The following CC2D2A variants were observed in gnomAD, a reference collection of about 807,000 sequenced individuals.
CC2D2A encodes the protein coiled-coil and C2 domain containing 2A.
CC2D2A carries 155 observed loss-of-function variants against 212.9 expected under a neutral mutation model. The observed-to-expected ratio is 0.73, with a 90% CI of 0.64 to 0.83. CC2D2A has a LOEUF of 0.83. CC2D2A is among the 40% of genes least tolerant of loss of function. The pLI is 0.00. For synonymous variants in CC2D2A, 667 were observed against 686.5 expected, an observed-to-expected ratio of 0.97 and a Z score of 0.44; for missense variants, 1,856 against 1,956.2, an observed-to-expected ratio of 0.95 and a Z score of 0.97.
rs1211076846 is a variant in CC2D2A, at chr4:15,570,474, G to A, written c.3572G>A (p.Ser1191Asn). 1 of 1,604,610 alleles carries A rather than the reference G, an allele frequency of 6.2e-7. No homozygotes were observed. Among genetic ancestry groups the A allele is most frequent in the Admixed American group, 1.7e-5 (1 of 59,344 alleles). The change falls in exon 28 of 37, where the codon AGC becomes AAC. Residue 1191 changes from serine to asparagine, a missense_variant. By Grantham distance (46) the Ser-to-Asn change is conservative. Coordinates refer to ENST00000424120, the MANE Select transcript of CC2D2A (RefSeq NM_001378615.1). ...HWLGCVKMPF[S>N]TIYFQARIDG... ...CTGGGATGTGTGAAAATGCCATTTAGCACAATATATTTCCAAGCAAGGGTA... is the reference window on the plus strand; with the variant it reads ...CTGGGATGTGTGAAAATGCCATTTAACACAATATATTTCCAAGCAAGGGTA...
chr4:15,482,457 C>A, intron 4 of CC2D2A: 1 of 281,750 alleles, frequency 3.5e-6, no homozygotes, highest in Non-Finnish European at 5.4e-6. Context: ...TCCAGTGAGG[C>A]CCTTCTTCCT....
At chr4:15,515,737 A>T in intron 9 of CC2D2A, 131 bp from the exon 10 acceptor site, 1 of 891,830 alleles carries the variant, frequency 1.1e-6, no homozygotes, top group Non-Finnish European at 1.7e-6. Context: ...TTCTGCTTTT[A>T]AAAATTAATT....
rs1487693460 is a variant in CC2D2A, at chr4:15,537,003, C to CGGAGGAGT, written c.1692_1699dup (p.Tyr567TrpfsTer54). 6.2e-7 allele frequency: 1 copy of CGGAGGAGT among 1,613,356 alleles called. No individual in the cohort carries two copies. The highest frequency in any genetic ancestry group is 1.3e-5 in the African/African-American group (1 of 74,882). ...ATAAGTGAACTGTTAGAAGAGCACA[C>CGGAGGAGT]GGAGGAGTACGCACAGAAGATGGAA... is the stretch of plus-strand genomic sequence containing the variant. On this transcript the variant is annotated frameshift_variant, in exon 15 of 37. Coordinates refer to ENST00000424120, the MANE Select transcript of CC2D2A (RefSeq NM_001378615.1). LOFTEE classifies it high-confidence loss of function.
intron 4 of CC2D2A, chr4:15,482,092 A>G: frequency 1.0e-6 from 1 of 985,454 alleles, no homozygotes; most frequent in Non-Finnish European, 1.2e-6. Flanking sequence ...TTTAATTGTT[A>G]CATAATTGTT....
chr4:15,479,463 T>C, intron 3 of CC2D2A: 1 of 735,046 alleles, frequency 1.4e-6, no homozygotes. Flanking sequence ...GAGCCAGCAG[T>C]CACGTGAAGG....
At chr4:15,515,003 TCAAA>T (rs1716780744) in intron 9 of CC2D2A, 134 bp downstream of exon 9, 2 of 758,056 alleles carry the variant, frequency 2.6e-6, no homozygotes, top group East Asian at 2.6e-5. Flanking sequence ...AGAAATATCT[TCAAA>T]CAAACAAAAA....
intron 11 of CC2D2A, among the ~76,000 whole-genome samples, chr4:15,524,447 ATTTT>A (rs71179636): frequency 0.13 from 11,426 of 89,846 alleles, 531 homozygotes; most frequent in Admixed American, 0.16. Flanking sequence ...AAAATTTTTA[ATTTT>A]TTTTTTTTTT....
chr4:15,564,153 A>T (rs1414519972), intron 24 of CC2D2A: 3 of 152,290 alleles, frequency 2.0e-5, no homozygotes, highest in African/African-American at 7.2e-5. Context: ...AGAATTCACT[A>T]CACCAGGGGT....
At position 15,533,241 on chromosome 4, in the gene CC2D2A, G is replaced by A. The variant is rs1188194101; in HGVS notation, c.1515G>A (p.Leu505=). The change falls in exon 14 of 37, where the codon TTG becomes TTA. Residue 505 remains leucine (L), a synonymous_variant. Coordinates refer to ENST00000424120, the MANE Select transcript of CC2D2A (RefSeq NM_001378615.1). ...CTGAACAAGAAAAAGATAGAACATT[G>A]CTTAAGACTATCATAAAAGTTTGGA... ...RDAEQEKDRT[L]LKTIIKVWKE... The A allele has an allele frequency of 2.5e-6, 4 of 1,601,308 alleles. No homozygotes were observed. Among genetic ancestry groups the A allele is most frequent in the Non-Finnish European group, 3.4e-6 (4 of 1,176,192 alleles).
chr4:15,480,661 T>C, intron 3 of CC2D2A, 43 bp from the exon 4 acceptor site: 1 of 1,583,810 alleles, frequency 6.3e-7, no homozygotes, highest in Non-Finnish European at 8.6e-7. Flanking sequence ...CAGACTCAAA[T>C]AAAGTCCTGG....
At chr4:15,574,359 T>G (rs1560190109) in intron 29 of CC2D2A, 33 bp downstream of exon 29, 2 of 1,490,240 alleles carry the variant, frequency 1.3e-6, no homozygotes, top group Non-Finnish European at 1.8e-6. Flanking sequence ...CCCATGTCTA[T>G]GTTGATAAAA....
intron 17 of CC2D2A, chr4:15,543,942 C>T (rs1305294052): frequency 2.0e-5 from 3 of 152,184 alleles, no homozygotes; most frequent in Admixed American, 6.5e-5. Context: ...ATGATAAAGT[C>T]TATTATACTA....
At chr4:15,530,197 T>C (rs1189205305) in intron 13 of CC2D2A, among the ~76,000 whole-genome samples, 1 of 152,112 alleles carries the variant, frequency 6.6e-6, no homozygotes, top group Non-Finnish European at 1.5e-5. Context: ...GGTCTAGATC[T>C]CCTGACCTCG....
chr4:15,501,286 T>C (rs17385493), intron 4 of CC2D2A, among the ~76,000 whole-genome samples: 51,629 of 151,964 alleles, frequency 0.34, 10,131 homozygotes, highest in Non-Finnish European at 0.45. Context: ...TATTTTCCTT[T>C]GTGTGGCCTG....
In CC2D2A at chr4:15,514,826, G is replaced by A. The variant is rs771694343; in HGVS notation, c.837G>A (p.Leu279=). 3.2e-5 allele frequency: 52 copies of A among 1,613,960 alleles called. No individual in the cohort carries two copies. In the South Asian group the frequency reaches 4.9e-4, roughly 15 times the overall value. Residue 279 remains leucine, a synonymous_variant, in exon 9 of 37, where the codon CTG becomes CTA. Coordinates refer to ENST00000424120, the MANE Select transcript of CC2D2A (RefSeq NM_001378615.1). ...PADYESIHDR[L]QMEREMLFIP... The stretch of plus-strand genomic sequence containing the variant: ...ATTATGAAAGCATCCATGATCGGCT[G>A]CAGATGGAAAGAGAAATGCTCTTCA...
intron 4 of CC2D2A, among the ~76,000 whole-genome samples, chr4:15,494,766 T>A (rs1715516285): frequency 1.3e-5 from 2 of 151,182 alleles, no homozygotes; most frequent in South Asian, 4.1e-4. Flanking sequence ...CTAATTACAT[T>A]TTTTTTAATC....
At chr4:15,488,482 T>C (rs946507805) in intron 4 of CC2D2A, among the ~76,000 whole-genome samples, 7 of 152,260 alleles carry the variant, frequency 4.6e-5, no homozygotes, top group African/African-American at 1.4e-4. Flanking sequence ...TCTTTTCTTT[T>C]GCTGCTTTTA....
chr4:15,595,136 A>C (rs1243884586), intron 33 of CC2D2A, among the ~76,000 whole-genome samples: 2 of 152,110 alleles, frequency 1.3e-5, no homozygotes, highest in African/African-American at 4.8e-5. Context: ...ATCTTTTCTT[A>C]TTAGATACTC....
chr4:15,520,492 G>A (rs1717141249), intron 11 of CC2D2A, among the ~76,000 whole-genome samples: 1 of 152,180 alleles, frequency 6.6e-6, no homozygotes, highest in South Asian at 2.1e-4. Flanking sequence ...GATGAACACT[G>A]AATTGTGGGT....
Sources: gnomAD v4.1 joint callset for allele counts (sites outside exome capture counted in the v4.1 genomes callset) on GRCh38, gnomAD v4.1.1 for gene constraint, MANE v1.5 for transcripts, NCBI Gene and HGNC (gene_info 2026-07-23, HGNC 2026-07-21) for gene names.